The following ASCC3 variants were observed in gnomAD, a reference collection of about 807,000 sequenced individuals.
ASCC3 encodes the protein ASC-1 complex subunit P200.
ASCC3 carries 158 observed loss-of-function variants against 256.3 expected under a neutral mutation model. That is an observed-to-expected ratio of 0.62 (90% CI 0.54 to 0.70). The LOEUF (loss-of-function observed/expected upper bound fraction) is 0.70, where lower values mean the gene tolerates loss of function less well. ASCC3 is among the 30% of genes least tolerant of loss of function. ASCC3 has a pLI of 0.00. For missense variants in ASCC3, 2,259 were observed against 2,626.0 expected, an observed-to-expected ratio of 0.86 and a Z score of 3.05; for synonymous variants, 948 against 883.4, an observed-to-expected ratio of 1.07 and a Z score of -1.30.
intron 30 of ASCC3, among the ~76,000 whole-genome samples, chr6:100,612,763 A>C (rs1409171364): frequency 6.6e-6 from 1 of 152,042 alleles, no homozygotes; most frequent in Admixed American, 6.6e-5. Context: ...GAATTCAAGA[A>C]ATAAATGAAT....
At chr6:100,797,355 C>T (rs1228197543) in intron 8 of ASCC3, among the ~76,000 whole-genome samples, 2 of 149,510 alleles carry the variant, frequency 1.3e-5, no homozygotes, top group African/African-American at 4.9e-5. Context: ...GAGGCTGAGG[C>T]AGGAGAATTG....
chr6:100,657,924 C>G (rs557994216), intron 16 of ASCC3, among the ~76,000 whole-genome samples: 1 of 151,446 alleles, frequency 6.6e-6, no homozygotes, highest in African/African-American at 2.4e-5. Flanking sequence ...CTAGTGGCTA[C>G]TTAGTACAGG....
At chr6:100,743,142 G>A (rs1243306067) in intron 10 of ASCC3, among the ~76,000 whole-genome samples, 1 of 152,160 alleles carries the variant, frequency 6.6e-6, no homozygotes, top group Non-Finnish European at 1.5e-5. Flanking sequence ...TTCCCAGGTG[G>A]GGTCACACAA....
At chr6:100,796,161 G>A (rs2114324719) in intron 8 of ASCC3, among the ~76,000 whole-genome samples, 1 of 152,176 alleles carries the variant, frequency 6.6e-6, no homozygotes, top group South Asian at 2.1e-4. Context: ...AAATATAAGT[G>A]GCTAAAATAA....
Position 100,613,338 on chromosome 6 carries a change from T to G in ASCC3, c.4786-6250A>C, listed in dbSNP as rs140518737. Among the ~76,000 whole-genome samples, 39 of 152,182 alleles carry G rather than the reference T, an allele frequency of 2.6e-4. No individual in the cohort carries two copies. The East Asian group carries it at 7.5e-3, about 29-fold the overall frequency. On this transcript the variant is annotated intron_variant, in intron 30 of 41. Transcript: ENST00000369162. ...TAAATTTTTTTAATTTTATTTTTTG[T>G]GGGTACATAGTCACATGTATACATT... is the stretch of plus-strand genomic sequence containing the variant.
chr6:100,641,095 A>G (rs1415893720), intron 24 of ASCC3, among the ~76,000 whole-genome samples: 1 of 152,166 alleles, frequency 6.6e-6, no homozygotes, highest in African/African-American at 2.4e-5. Context: ...TTAGTTTAGG[A>G]TTTTTTGAAA....
intron 37 of ASCC3, among the ~76,000 whole-genome samples, chr6:100,528,686 A>G (rs1774717255): frequency 6.6e-6 from 1 of 152,212 alleles, no homozygotes; most frequent in Non-Finnish European, 1.5e-5. Context: ...TATAAAATGA[A>G]AGCTCCCCTA....
chr6:100,687,856 G>T (rs888646083), intron 13 of ASCC3, among the ~76,000 whole-genome samples: 1 of 152,040 alleles, frequency 6.6e-6, no homozygotes. Flanking sequence ...TTCAAACAGA[G>T]AAGAGAGCAA....
At chr6:100,854,523 C>T (rs989745076) in intron 3 of ASCC3, among the ~76,000 whole-genome samples, 2 of 151,838 alleles carry the variant, frequency 1.3e-5, no homozygotes, top group African/African-American at 4.8e-5. Context: ...GGAAAGCAAA[C>T]AAAGATATTT....
chr6:100,778,079 T>G (rs948653336), intron 8 of ASCC3, among the ~76,000 whole-genome samples: 1 of 141,688 alleles, frequency 7.1e-6, no homozygotes, highest in Non-Finnish European at 1.5e-5. Context: ...ATGGATCTGA[T>G]GATGACTTAA....
In ASCC3 at chr6:100,516,474, C is replaced by T. The variant is rs563989642; in HGVS notation, c.5928-147G>A. 7 of 1,006,288 alleles carry T rather than the reference C, an allele frequency of 7.0e-6. No individual in the cohort carries two copies. The Admixed American group carries it at 1.6e-4, about 23-fold the overall frequency. 62.3% of individuals were successfully genotyped at this position (1,006,288 alleles called of 1,614,324 possible). The stretch of plus-strand genomic sequence containing the variant: ...CATTATGCTAAGTTTAAAAATTCAG[C>T]CAGCATTCTGTATAGGATAACAGCC... On this transcript the variant is annotated intron_variant, in intron 38 of 41. Transcript: ENST00000369162.
intron 8 of ASCC3, among the ~76,000 whole-genome samples, chr6:100,791,574 G>A (rs1382387647): frequency 1.1e-4 from 17 of 152,066 alleles, no homozygotes; most frequent in Non-Finnish European, 5.9e-5. Flanking sequence ...CAGTCAAGAA[G>A]CAACTCAAGT....
intron 37 of ASCC3, among the ~76,000 whole-genome samples, chr6:100,523,587 T>A (rs1774412911): frequency 6.6e-6 from 1 of 152,148 alleles, no homozygotes; most frequent in African/African-American, 2.4e-5. Context: ...GGTGTGGGGT[T>A]CCTGAAGCCA....
At chr6:100,529,567 T>C (rs751465782) in intron 37 of ASCC3, among the ~76,000 whole-genome samples, 3 of 152,126 alleles carry the variant, frequency 2.0e-5, no homozygotes, top group Non-Finnish European at 4.4e-5. Context: ...GATTTAAGTA[T>C]GCATTGAAAA....
chr6:100,874,686 C>T (rs1254389356), intron 1 of ASCC3, among the ~76,000 whole-genome samples: 1 of 152,002 alleles, frequency 6.6e-6, no homozygotes, highest in African/African-American at 2.4e-5. Flanking sequence ...TATGATTGCA[C>T]TTGCCCTCAA....
chr6:100,770,833 T>A (rs1397938248), intron 8 of ASCC3, among the ~76,000 whole-genome samples: 1 of 139,558 alleles, frequency 7.2e-6, no homozygotes, highest in Non-Finnish European at 1.5e-5. Context: ...GATAAAATTC[T>A]TAAGATGTCT....
intron 40 of ASCC3, chr6:100,510,348 A>C: frequency 2.1e-6 from 1 of 483,326 alleles, no homozygotes; most frequent in South Asian, 2.9e-5. Flanking sequence ...TAACTATCAG[A>C]ATATATGGCC....
At chr6:100,774,105 T>C (rs1330337697) in intron 8 of ASCC3, among the ~76,000 whole-genome samples, 1 of 152,178 alleles carries the variant, frequency 6.6e-6, no homozygotes, top group African/African-American at 2.4e-5. Flanking sequence ...TTTGTTTTCA[T>C]AACAAAAGTC....
chr6:100,574,259 A>T (rs1770745996), intron 36 of ASCC3, among the ~76,000 whole-genome samples: 1 of 152,172 alleles, frequency 6.6e-6, no homozygotes. Flanking sequence ...GCTTTGGCAC[A>T]GAAGTTTATG....
Sources: gnomAD v4.1 joint callset for allele counts (sites outside exome capture counted in the v4.1 genomes callset) on GRCh38, gnomAD v4.1.1 for gene constraint, MANE v1.5 for transcripts, NCBI Gene and HGNC (gene_info 2026-07-23, HGNC 2026-07-21) for gene names.